RDX: variants seen among roughly 807,000 people sequenced by gnomAD.
RDX encodes the protein deafness, autosomal recessive 24.
RDX carries 32 observed loss-of-function variants against 83.7 expected under a neutral mutation model. The observed-to-expected ratio is 0.38, with a 90% CI of 0.29 to 0.51. The LOEUF (loss-of-function observed/expected upper bound fraction) is 0.51. Among genes scored for constraint, RDX ranks in the 20% least tolerant of loss-of-function variants. The pLI, the probability that RDX is intolerant of heterozygous loss-of-function variation, is 0.87. For synonymous variants in RDX, 229 were observed against 222.7 expected (o/e 1.03, Z -0.25); for missense variants, 600 against 689.9 (o/e 0.87, Z 1.46).
chr11:110,238,600 A>G (rs1864954993), intron 10 of RDX, among the ~76,000 whole-genome samples: 1 of 152,162 alleles, frequency 6.6e-6, no homozygotes, highest in South Asian at 2.1e-4. Context: ...GGTCTTGATC[A>G]GAACTAGTTG....
At chr11:110,295,108 A>G (rs28533164) in intron 1 of RDX, among the ~76,000 whole-genome samples, 7,069 of 152,292 alleles carry the variant, frequency 0.046, 540 homozygotes, top group African/African-American at 0.16. Flanking sequence ...AGTATTATTA[A>G]TCTCTGGAAG....
chr11:110,252,204 A>C (rs1177409432), intron 9 of RDX, among the ~76,000 whole-genome samples: 1 of 152,202 alleles, frequency 6.6e-6, no homozygotes, highest in Non-Finnish European at 1.5e-5. Flanking sequence ...CTTACTAATG[A>C]AGAGCTCTAA....
intron 5 of RDX, 66 bp downstream of exon 5, chr11:110,263,894 G>A (rs1321155824): frequency 1.4e-5 from 19 of 1,387,638 alleles, no homozygotes; most frequent in South Asian, 2.5e-5. Flanking sequence ...CCTGAAAAAC[G>A]TTTTATTTAT....
Position 110,212,955 on chromosome 11 carries a change from TA to T in RDX, c.1749-13278del, listed in dbSNP as rs1448398621. Among the ~76,000 whole-genome samples the T allele has an allele frequency of 1.8e-3, 239 of 133,314 alleles. 1 individual carries two copies. Among genetic ancestry groups the T allele is most frequent in the African/African-American group, 6.8e-3 (231 of 33,930 alleles). 87.5% of individuals were successfully genotyped at this position (133,314 alleles called of 152,430 possible). ...CAGGGATGCCCTCTCTCACCACTCCTATTCAACATAGTGTTGGAAGTTCTGG... is the reference window on the plus strand; with the variant it reads ...CAGGGATGCCCTCTCTCACCACTCCTTTCAACATAGTGTTGGAAGTTCTGG... On this transcript the variant is annotated intron_variant, in intron 14 of 15. Coordinates refer to the RDX transcript ENST00000528498.
chr11:110,241,544 G>A (rs1396268857), intron 10 of RDX, among the ~76,000 whole-genome samples: 2 of 152,088 alleles, frequency 1.3e-5, no homozygotes, highest in African/African-American at 2.4e-5. Context: ...TGATCCACCC[G>A]CCTTGGCCTC....
intron 3 of RDX, among the ~76,000 whole-genome samples, chr11:110,269,547 G>T (rs1860209379): frequency 6.6e-6 from 1 of 152,164 alleles, no homozygotes; most frequent in Admixed American, 6.5e-5. Flanking sequence ...AGAGGACCCA[G>T]TTTACCCCTG....
chr11:110,223,179 C>T (rs11213319), intron 14 of RDX, among the ~76,000 whole-genome samples: 59,624 of 151,520 alleles, frequency 0.39, 11,937 homozygotes, highest in East Asian at 0.61. Context: ...GGTGAAACCC[C>T]GTCTCTACTA....
chr11:110,257,729 G>A lies in RDX; in HGVS notation c.698+38C>T, dbSNP rs778524752. On this transcript the variant is annotated intron_variant, in intron 7 of 13. Coordinates refer to ENST00000645495, the MANE Select transcript of RDX (RefSeq NM_002906.4). ...TAAGATTAACGTCATTTAGACCACT[G>A]AACAATGACTAGTTCACTATGCAAC... The A allele has an allele frequency of 7.5e-6, 12 of 1,604,102 alleles. No individual in the cohort carries two copies. In the African/African-American group the frequency reaches 1.5e-4, roughly 20 times the overall value.
At chr11:110,224,128 A>G (rs1005991040) in intron 14 of RDX, among the ~76,000 whole-genome samples, 2 of 152,112 alleles carry the variant, frequency 1.3e-5, no homozygotes, top group African/African-American at 4.8e-5. Flanking sequence ...ATATTCTGAG[A>G]TAATCTCTGA....
At chr11:110,255,215 T>C in intron 8 of RDX, 74 bp downstream of exon 8, 1 of 809,860 alleles carries the variant, frequency 1.2e-6, no homozygotes, top group Non-Finnish European at 2.1e-6. Context: ...AACACTGTTA[T>C]TCTTCAAGTG....
chr11:110,255,106 A>T (rs941163882), intron 8 of RDX, among the ~76,000 whole-genome samples, 183 bp downstream of exon 8: 3 of 152,162 alleles, frequency 2.0e-5, no homozygotes, highest in African/African-American at 7.2e-5. Context: ...ATCTTACTTT[A>T]AAAAATTAAA....
rs1864658261 is a variant in RDX at position 110,232,032 on chromosome 11, G to A, written c.1589C>T (p.Ala530Val). Residue 530 changes from alanine (A) to valine (V), a missense_variant and splice_region_variant, in exon 14 of 14, where the codon GCA becomes GTA. Physicochemically the swap from Ala to Val is moderately conservative, Grantham distance 64. Transcript: ENST00000645495. The part of the protein sequence containing the change: ...KNERVKKQLQ[A>V]LSSELAQARD... ...GGCTTGGGCTAATTCTGAACTTAAT[G>A]CCTATTTAAAAAATAAAAAGTACAA... The A allele has an allele frequency of 6.2e-7, 1 of 1,608,830 alleles. No individual in the cohort carries two copies. The highest frequency in any genetic ancestry group is 1.3e-5 in the African/African-American group (1 of 74,750).
intron 15 of RDX, among the ~76,000 whole-genome samples, chr11:110,182,952 G>A (rs1862916765): frequency 6.6e-6 from 1 of 152,166 alleles, no homozygotes; most frequent in Non-Finnish European, 1.5e-5. Flanking sequence ...ATCCAGGGAG[G>A]CTAAATGATT....
At chr11:110,224,845 C>T (rs926738724), downstream of RDX, among the ~76,000 whole-genome samples, 1 of 152,174 alleles carries the variant, frequency 6.6e-6, no homozygotes, top group African/African-American at 2.4e-5. Context: ...GTAGACATAG[C>T]TCTTCTATTA....
chr11:110,235,421 T>C (rs962907873), intron 12 of RDX, among the ~76,000 whole-genome samples: 2 of 152,164 alleles, frequency 1.3e-5, no homozygotes, highest in Admixed American at 1.3e-4. Context: ...CTCTTATATC[T>C]TCCCATTCCT....
At chr11:110,257,947 G>C (rs1253454056) in intron 6 of RDX, 34 bp from the exon 7 acceptor site, 2 of 1,595,364 alleles carry the variant, frequency 1.3e-6, no homozygotes, top group Non-Finnish European at 1.7e-6. Context: ...ATATATTTAA[G>C]TAGGAGCATA....
At chr11:110,280,681 T>G (rs1591181708) in intron 1 of RDX, among the ~76,000 whole-genome samples, 1 of 152,222 alleles carries the variant, frequency 6.6e-6, no homozygotes, top group East Asian at 1.9e-4. Flanking sequence ...GGCTCACATC[T>G]GTAATCCCAA....
intron 15 of RDX, among the ~76,000 whole-genome samples, chr11:110,191,102 C>A (rs1863096499): frequency 1.3e-5 from 2 of 152,156 alleles, no homozygotes. Context: ...GAAGCCAGCA[C>A]AACCCTGATA....
At chr11:110,219,731 G>C (rs910395305) in intron 14 of RDX, among the ~76,000 whole-genome samples, 23 of 152,302 alleles carry the variant, frequency 1.5e-4, no homozygotes, top group Admixed American at 7.8e-4. Context: ...GACTGAGGCA[G>C]GAGCAAGTTT....
Sources: gnomAD v4.1 joint callset for allele counts (sites outside exome capture counted in the v4.1 genomes callset) on GRCh38, gnomAD v4.1.1 for gene constraint, MANE v1.5 for transcripts, NCBI Gene and HGNC (gene_info 2026-07-23, HGNC 2026-07-21) for gene names.